Variants in EVI5 observed in about 807,000 individuals in gnomAD.
EVI5 encodes ecotropic viral integration site 5, also known as ecotropic viral integration site 5 protein homolog.
A neutral mutation model predicts 112.0 loss-of-function variants in EVI5; 73 were observed. The observed-to-expected ratio is 0.65, with a 90% CI of 0.54 to 0.79. The LOEUF is 0.79. Ranked by LOEUF, EVI5 falls within the 30% of genes least tolerant of loss-of-function variation. EVI5 has a pLI of 0.00. For missense variants in EVI5, 900 were observed against 968.8 expected, an observed-to-expected ratio of 0.93 and a Z score of 0.94; for synonymous variants, 305 against 319.9, an observed-to-expected ratio of 0.95 and a Z score of 0.50.
Position 92,513,700 on chromosome 1 carries a change from C to G in EVI5, c.2437G>C (p.Glu813Gln). 6.2e-7 allele frequency: 1 copy of G among 1,607,558 alleles called. No individual in the cohort carries two copies. The highest frequency in any genetic ancestry group is 8.5e-7 in the Non-Finnish European group (1 of 1,176,544). ...TRESNQVVQK[E>Q]RPPRRRESYS... is the part of the protein sequence containing the mutation. ...GACTCTCTTCTTCTCGGGGGCCGCTCCTTTTGAACCACTTGGTTGCTCTCT... is the reference window on the plus strand; with the variant it reads ...GACTCTCTTCTTCTCGGGGGCCGCTGCTTTTGAACCACTTGGTTGCTCTCT... The change falls in exon 20 of 20, where the codon GAG becomes CAG. Residue 813 changes from glutamate (E) to glutamine (Q), a missense_variant. Glu to Gln is a conservative substitution (Grantham distance 29, BLOSUM62 2). Coordinates refer to ENST00000684568, the MANE Select transcript of EVI5 (RefSeq NM_001350197.2).
At chr1:92,616,573 G>A (rs1450718014) in intron 16 of EVI5, among the ~76,000 whole-genome samples, 1 of 152,052 alleles carries the variant, frequency 6.6e-6, no homozygotes, top group Non-Finnish European at 1.5e-5. Flanking sequence ...ATTTATACAA[G>A]CAGAAAACTT....
At position 92,625,897 on chromosome 1, in the gene EVI5, C is replaced by G; in HGVS notation, c.1565G>C (p.Arg522Thr). Residue 522 changes from arginine to threonine, a missense_variant, in exon 15 of 20, where the codon AGG (arginine) becomes ACG (threonine). By Grantham distance (71) the Arg-to-Thr change is moderately conservative. Coordinates refer to ENST00000684568, the MANE Select transcript of EVI5 (RefSeq NM_001350197.2). ...CACAGCAATGAGTTCTTCCTGAAGC[C>G]TTGCAATATTATTCTCATCAGGAAG... ...NSLPDENNIA[R>T]LQEELIAVKL... The G allele has an allele frequency of 6.2e-7, 1 of 1,608,638 alleles. No individual in the cohort carries two copies. Among genetic ancestry groups the G allele is most frequent in the Non-Finnish European group, 8.5e-7 (1 of 1,175,272 alleles).
At chr1:92,568,088 T>G (rs1001254776) in intron 18 of EVI5, among the ~76,000 whole-genome samples, 4 of 152,004 alleles carry the variant, frequency 2.6e-5, no homozygotes, top group Non-Finnish European at 5.9e-5. Flanking sequence ...AAAAATAAAT[T>G]TCTGGCTGGG....
At chr1:92,635,311 C>T (rs567325924) in intron 14 of EVI5, among the ~76,000 whole-genome samples, 41 of 152,334 alleles carry the variant, frequency 2.7e-4, no homozygotes, top group African/African-American at 9.1e-4. Flanking sequence ...CCTCCTTGAG[C>T]TGCAGTGGGC....
intron 1 of EVI5, among the ~76,000 whole-genome samples, chr1:92,780,849 T>G (rs1248864895): frequency 4.7e-5 from 7 of 147,966 alleles, no homozygotes; most frequent in African/African-American, 1.6e-4. Context: ...AAAAAAAAAG[T>G]AAATTTTTTT....
At chr1:92,672,466 G>A (rs1666034383) in intron 10 of EVI5, among the ~76,000 whole-genome samples, 1 of 151,902 alleles carries the variant, frequency 6.6e-6, no homozygotes, top group Non-Finnish European at 1.5e-5. Flanking sequence ...CTTCCTTCAG[G>A]TCTTTTTTCA....
intron 19 of EVI5, among the ~76,000 whole-genome samples, chr1:92,549,153 T>C (rs1377872464): frequency 9.9e-5 from 15 of 152,184 alleles, no homozygotes; most frequent in African/African-American, 3.1e-4. Flanking sequence ...AACAGAGATA[T>C]AGATCAATGG....
At chr1:92,587,751 A>G (rs1179859202) in intron 18 of EVI5, among the ~76,000 whole-genome samples, 1 of 152,148 alleles carries the variant, frequency 6.6e-6, no homozygotes, top group Non-Finnish European at 1.5e-5. Flanking sequence ...GGGTACCAGG[A>G]AAAAAACCAA....
At chr1:92,728,269 T>C (rs1250849582) in intron 2 of EVI5, among the ~76,000 whole-genome samples, 2 of 152,132 alleles carry the variant, frequency 1.3e-5, no homozygotes, top group Non-Finnish European at 2.9e-5. Flanking sequence ...AATTATAATT[T>C]GAAGTTACTG....
chr1:92,594,788 T>C (rs1363320620), intron 18 of EVI5, among the ~76,000 whole-genome samples: 3 of 149,540 alleles, frequency 2.0e-5, no homozygotes, highest in Admixed American at 1.3e-4. Flanking sequence ...AAAGAAGACA[T>C]TTATGCAGCC....
At chr1:92,784,792 C>CGCCCGGCCTCCCG in intron 1 of EVI5, 44 bp downstream of exon 1, 1 of 983,050 alleles carries the variant, frequency 1.0e-6, no homozygotes, top group Non-Finnish European at 1.2e-6. Context: ...ACTCACCGCC[C>CGCCCGGCCTCCCG]GCCCGGCCTC....
At chr1:92,638,388 C>T (rs750314056) in intron 13 of EVI5, among the ~76,000 whole-genome samples, 12 of 146,426 alleles carry the variant, frequency 8.2e-5, no homozygotes, top group Non-Finnish European at 1.7e-4. Context: ...TAACTCTAAA[C>T]GTATTATGTA....
At chr1:92,621,627 T>C (rs1296255279) in intron 16 of EVI5, among the ~76,000 whole-genome samples, 4 of 152,156 alleles carry the variant, frequency 2.6e-5, no homozygotes, top group African/African-American at 9.7e-5. Flanking sequence ...TTTTATAGCT[T>C]TATTGAGATA....
intron 18 of EVI5, among the ~76,000 whole-genome samples, chr1:92,573,561 T>C (rs1346633025): frequency 6.6e-6 from 1 of 152,084 alleles, no homozygotes; most frequent in Non-Finnish European, 1.5e-5. Context: ...CACACACTTA[T>C]TTACAAATGG....
At chr1:92,741,582 A>C (rs1274024058) in intron 1 of EVI5, among the ~76,000 whole-genome samples, 1 of 151,364 alleles carries the variant, frequency 6.6e-6, no homozygotes, top group Admixed American at 6.6e-5. Flanking sequence ...TTTTAAAAAG[A>C]AAAAAAAACT....
intron 18 of EVI5, among the ~76,000 whole-genome samples, chr1:92,584,950 G>A: frequency 6.6e-6 from 1 of 152,184 alleles, no homozygotes; most frequent in East Asian, 1.9e-4. Context: ...AAGGCCGGGT[G>A]TGGTGGCTCA....
Position 92,649,528 on chromosome 1 carries a change from A to G in EVI5, c.1392+13191T>C, listed in dbSNP as rs1163035472. 2.0e-5 allele frequency among the ~76,000 whole-genome samples: 3 copies of G among 152,226 alleles called. No individual in the cohort carries two copies. The East Asian group carries it at 5.8e-4, about 29-fold the overall frequency. On this transcript the variant is annotated intron_variant, in intron 13 of 19. Coordinates refer to ENST00000684568, the MANE Select transcript of EVI5 (RefSeq NM_001350197.2). ...CATAAACATGTTATTTTTAAATCAT[A>G]AAGTTGGCTGAGCACAGTGGCTTAT...
intron 5 of EVI5, among the ~76,000 whole-genome samples, chr1:92,701,829 T>C (rs2102531091): frequency 6.6e-6 from 1 of 150,530 alleles, no homozygotes; most frequent in Middle Eastern, 3.4e-3. Context: ...CCTCCTTGGT[T>C]AGAAAAAGAT....
In EVI5 at chr1:92,697,878, CT is replaced by C; in HGVS notation, c.746del (p.Gln249ArgfsTer5). 2 of 1,612,722 alleles carry C rather than the reference CT, an allele frequency of 1.2e-6. No homozygotes were observed. The highest frequency in any genetic ancestry group is 1.7e-6 in the Non-Finnish European group (2 of 1,179,078). ...CTTTTACCTGTATCATACATTCAAA[CT>C]GGTACATACAAAGGCCCAATTCTGC... is the stretch of plus-strand genomic sequence containing the variant. ...SMAELGLCMY[Q>X]FECMIQEHLP... On this transcript the variant is annotated frameshift_variant, in exon 6 of 20. Transcript: ENST00000684568. LOFTEE classifies it high-confidence loss of function.
Sources: allele counts gnomAD v4.1 joint callset (sites outside exome capture counted in the v4.1 genomes callset), GRCh38; gene constraint gnomAD v4.1.1; transcripts MANE v1.5; gene names NCBI Gene and HGNC (gene_info 2026-07-23, HGNC 2026-07-21).